ECT2: variants seen among roughly 807,000 people sequenced by gnomAD.
The protein encoded by ECT2 is epithelial cell transforming 2.
In ECT2, 61 loss-of-function variants were observed where a neutral mutation model predicts 116.9. That is an observed-to-expected ratio of 0.52 (90% CI 0.42 to 0.65). The LOEUF (loss-of-function observed/expected upper bound fraction) is 0.65. Ranked by LOEUF, ECT2 falls within the 30% of genes least tolerant of loss-of-function variation. The probability of loss-of-function intolerance (pLI) is 0.00; values close to 1 mark genes in which losing one functional copy is unlikely to be tolerated. For synonymous variants in ECT2, 358 were observed against 346.4 expected, an observed-to-expected ratio of 1.03 and a Z score of -0.37; for missense variants, 937 against 1,078.7, an observed-to-expected ratio of 0.87 and a Z score of 1.84.
At chr3:172,813,788 T>A (rs2109292372) in intron 22 of ECT2, among the ~76,000 whole-genome samples, 1 of 152,132 alleles carries the variant, frequency 6.6e-6, no homozygotes, top group African/African-American at 2.4e-5. Flanking sequence ...AAATTAATTG[T>A]GGTATAATCA....
chr3:172,809,221 C>A (rs1235380644), intron 22 of ECT2, among the ~76,000 whole-genome samples: 1 of 151,916 alleles, frequency 6.6e-6, no homozygotes, highest in African/African-American at 2.4e-5. Flanking sequence ...AAACTTATAA[C>A]CCTAATACTG....
intron 18 of ECT2, among the ~76,000 whole-genome samples, chr3:172,788,015 A>G (rs920459100): frequency 2.0e-5 from 3 of 152,214 alleles, no homozygotes; most frequent in Non-Finnish European, 2.9e-5. Flanking sequence ...TTCTATTTTT[A>G]GTATATCCCT....
intron 18 of ECT2, among the ~76,000 whole-genome samples, chr3:172,789,015 G>A (rs1394560291): frequency 4.3e-5 from 6 of 138,976 alleles, no homozygotes; most frequent in Non-Finnish European, 6.0e-5. Context: ...CTGAGATTGC[G>A]CCATTGCACT....
At chr3:172,785,300 AATTT>A (rs1267025457) in intron 17 of ECT2, among the ~76,000 whole-genome samples, 22 of 152,192 alleles carry the variant, frequency 1.4e-4, no homozygotes, top group South Asian at 6.2e-4. Context: ...TACAGCAGAT[AATTT>A]TTATGAATAA....
intron 6 of ECT2, 60 bp downstream of exon 6, chr3:172,759,129 C>A: frequency 8.6e-7 from 1 of 1,156,250 alleles, no homozygotes; most frequent in Non-Finnish European, 1.2e-6. Context: ...TTAAAATTGG[C>A]TTTTTTTTCT....
rs755058615 is a variant in ECT2 at position 172,786,515 on chromosome 3, T to A, written c.1848T>A (p.Asp616Glu). Residue 616 changes from aspartate (D) to glutamate (E), a missense_variant, in exon 18 of 25, where the codon GAT becomes GAA. Physicochemically the swap from Asp to Glu is conservative, Grantham distance 45. Coordinates refer to ENST00000392692, the MANE Select transcript of ECT2 (RefSeq NM_001258315.2). ...LLNDLKKHTADENPDKSTLEK... is the reference protein window; with the variant it reads ...LLNDLKKHTAEENPDKSTLEK... ...CAGATCTTAAGAAGCATACAGCTGA[T>A]GAAAATCCAGACAAAAGCACTTTAG... 1.2e-6 allele frequency: 2 copies of A among 1,610,522 alleles called. No homozygotes were observed.
rs142499943 is a variant in ECT2 at position 172,773,962 on chromosome 3, G to A, written c.1488G>A (p.Glu496=). ...GTGGTGGACCTATCCTTGCACCAGAGGAGATTAAGACTATTTTTGGTAGCA... is the reference window on the plus strand; with the variant it reads ...GTGGTGGACCTATCCTTGCACCAGAAGAGATTAAGACTATTTTTGGTAGCA... ...GQRGGPILAP[E]EIKTIFGSIP... is the part of the protein sequence containing the mutation. The change falls in exon 14 of 25, where the codon GAG becomes GAA. Residue 496 remains glutamate (E), a synonymous_variant. Coordinates refer to ENST00000392692, the MANE Select transcript of ECT2 (RefSeq NM_001258315.2). 10 of 1,613,054 alleles carry A rather than the reference G, an allele frequency of 6.2e-6. No individual in the cohort carries two copies. In the African/African-American group the frequency reaches 8.0e-5, roughly 13 times the overall value.
Position 172,802,917 on chromosome 3 carries a change from A to G in ECT2, c.2043A>G (p.Leu681=), listed in dbSNP as rs770168641. ...SLVQRVETIS[L]GEHPCDRGEQ... ...TACAGCGGGTTGAAACAATTTCTCT[A>G]GGTGAGCACCCCTGTGACAGAGGAG... Residue 681 remains leucine, a synonymous_variant, in exon 20 of 25, where the codon CTA becomes CTG. Transcript: ENST00000392692. The G allele has an allele frequency of 3.7e-6, 6 of 1,613,332 alleles. No homozygotes were observed. In the East Asian group the frequency reaches 1.3e-4, roughly 36 times the overall value.
chr3:172,803,925 A>G (rs1334981669), intron 20 of ECT2, among the ~76,000 whole-genome samples: 2 of 151,738 alleles, frequency 1.3e-5, no homozygotes, highest in African/African-American at 4.8e-5. Context: ...TTATCCCAAC[A>G]TCGCAAGTAG....
intron 1 of ECT2, among the ~76,000 whole-genome samples, chr3:172,753,853 G>T (rs1379816031): frequency 6.6e-6 from 1 of 152,210 alleles, no homozygotes; most frequent in African/African-American, 2.4e-5. Context: ...TTTGGACTTG[G>T]ACATATAAGG....
chr3:172,786,647 A>C, intron 18 of ECT2, 73 bp downstream of exon 18: 1 of 1,009,582 alleles, frequency 9.9e-7, no homozygotes, highest in South Asian at 1.5e-5. Context: ...TAGAATCATA[A>C]ATAGGAAAAT....
chr3:172,783,391 G>T (rs1215234839), intron 15 of ECT2, among the ~76,000 whole-genome samples: 2 of 151,600 alleles, frequency 1.3e-5, no homozygotes, highest in African/African-American at 4.8e-5. Flanking sequence ...TCCTTTTCTT[G>T]TTTGCATTTT....
At chr3:172,771,505 A>G (rs1720629818) in intron 13 of ECT2, 1 of 152,226 alleles carries the variant, frequency 6.6e-6, no homozygotes, top group South Asian at 2.1e-4. Flanking sequence ...ATCATTCTGT[A>G]TTATCAATAG....
At chr3:172,770,678 T>C (rs1423539867) in intron 13 of ECT2, among the ~76,000 whole-genome samples, 2 of 152,198 alleles carry the variant, frequency 1.3e-5, no homozygotes, top group African/African-American at 4.8e-5. Flanking sequence ...GTTTTAGGAC[T>C]GATATTTTCC....
chr3:172,765,059 A>G (rs966103395), intron 12 of ECT2, among the ~76,000 whole-genome samples: 2 of 152,166 alleles, frequency 1.3e-5, no homozygotes, highest in Non-Finnish European at 2.9e-5. Flanking sequence ...GACACTTTTC[A>G]CTTATTGTCC....
chr3:172,788,022 C>A (rs766797793), intron 18 of ECT2, among the ~76,000 whole-genome samples: 3 of 152,100 alleles, frequency 2.0e-5, no homozygotes, highest in East Asian at 1.9e-4. Flanking sequence ...TTTAGTATAT[C>A]CCTACCCTAA....
At chr3:172,772,592 G>A (rs1333844758) in intron 13 of ECT2, among the ~76,000 whole-genome samples, 1 of 152,032 alleles carries the variant, frequency 6.6e-6, no homozygotes, top group African/African-American at 2.4e-5. Flanking sequence ...ATTCTCTCGT[G>A]TCTTTTGCTG....
chr3:172,822,346 G>A (rs1730729187), downstream of ECT2, among the ~76,000 whole-genome samples: 1 of 151,884 alleles, frequency 6.6e-6, no homozygotes, highest in South Asian at 2.1e-4. Context: ...GAAACATCAA[G>A]CATTTCTTTA....
intron 24 of ECT2, chr3:172,818,255 C>A: frequency 6.4e-6 from 1 of 157,202 alleles, no homozygotes. Flanking sequence ...AGAGAAGCTG[C>A]ATTTAGTTGA....
Sources: gnomAD v4.1 joint callset for allele counts (sites outside exome capture counted in the v4.1 genomes callset) on GRCh38, gnomAD v4.1.1 for gene constraint, MANE v1.5 for transcripts, NCBI Gene and HGNC (gene_info 2026-07-23, HGNC 2026-07-21) for gene names.